The following ERN1 variants were observed in gnomAD, a reference collection of about 807,000 sequenced individuals.
ERN1 encodes the protein serine/threonine-protein kinase/endoribonuclease IRE1.
In ERN1, 39 loss-of-function variants were observed where a neutral mutation model predicts 113.1. The observed-to-expected ratio is 0.34, with a 90% CI of 0.27 to 0.45. The LOEUF (loss-of-function observed/expected upper bound fraction) is 0.45, where lower values mean the gene tolerates loss of function less well. ERN1 is among the 20% of genes least tolerant of loss of function. The pLI is 1.00. For missense variants in ERN1, 976 were observed against 1,274.8 expected (o/e 0.77, Z 3.57); for synonymous variants, 507 against 515.9 (o/e 0.98, Z 0.23).
intron 9 of ERN1, 47 bp from the exon 10 acceptor site, chr17:64,064,198 G>C: frequency 2.0e-6 from 3 of 1,532,098 alleles, no homozygotes; most frequent in Non-Finnish European, 2.6e-6. Flanking sequence ...AGGGAGAGCG[G>C]GTCCCACGGC....
intron 1 of ERN1, among the ~76,000 whole-genome samples, chr17:64,103,558 C>T (rs1225469241): frequency 1.3e-5 from 2 of 151,018 alleles, no homozygotes; most frequent in Non-Finnish European, 2.9e-5. Flanking sequence ...TCATAAAATC[C>T]ACCATTCACT....
rs1016074005 is a variant in ERN1 at position 64,056,557 on chromosome 17, C to T, written c.1399-609G>A. Among the ~76,000 whole-genome samples the T allele has an allele frequency of 3.3e-5, 5 of 152,198 alleles. No homozygotes were observed. In the South Asian group the frequency reaches 8.3e-4, roughly 25 times the overall value. ...CCGCCTTTCATCCCACTGCCTTCCC[C>T]GAGGCCACATGCCTCTCAAATACTC... On this transcript the variant is annotated intron_variant, in intron 12 of 21. Transcript: ENST00000433197.
At chr17:64,069,941 A>G (rs754636095) in intron 6 of ERN1, among the ~76,000 whole-genome samples, 21 of 152,110 alleles carry the variant, frequency 1.4e-4, no homozygotes, top group Non-Finnish European at 3.1e-4. Flanking sequence ...AACATCTCTA[A>G]AGGTCACTAC....
At chr17:64,094,626 C>CT (rs58195537) in intron 2 of ERN1, among the ~76,000 whole-genome samples, 5,407 of 136,388 alleles carry the variant, frequency 0.04, 279 homozygotes, top group African/African-American at 0.11. Context: ...CCCATCCTTT[C>CT]TTTTTTTTTT....
Position 64,060,400 on chromosome 17 carries a change from C to A in ERN1, c.1206+69G>T, listed in dbSNP as rs541586055. On this transcript the variant is annotated intron_variant, in intron 11 of 21. Coordinates refer to ENST00000433197, the MANE Select transcript of ERN1 (RefSeq NM_001433.5). ...AGGCTGCAAGCTCAGAAGGCAGAGT[C>A]AAAGTCTAATGCCTCACCCTCCCAA... The A allele has an allele frequency of 4.7e-5, 46 of 979,462 alleles. 1 individual carries two copies. The South Asian group carries it at 5.9e-4, about 13-fold the overall frequency. The allele number at this position is 979,462 out of a possible 1,614,324, so 60.7% of individuals were successfully genotyped here.
At chr17:64,103,809 C>T (rs968753931) in intron 1 of ERN1, among the ~76,000 whole-genome samples, 3 of 152,144 alleles carry the variant, frequency 2.0e-5, no homozygotes, top group Non-Finnish European at 4.4e-5. Flanking sequence ...GACACAGGGG[C>T]AGACAGGTGT....
chr17:64,057,896 G>T lies in ERN1; in HGVS notation c.1304C>A (p.Ala435Asp), dbSNP rs201598988. 8 of 1,613,464 alleles carry T rather than the reference G, an allele frequency of 5.0e-6. No individual in the cohort carries two copies. The highest frequency in any genetic ancestry group is 1.1e-5 in the South Asian group (1 of 90,942). ...GTCCTTAAGCATGGAGTCCACGGGG[G>T]CCTCGGGCCGGGCAGGGGCATGGGC... ...KPAHAPARPE[A>D]PVDSMLKDMA... The change falls in exon 12 of 22, where the codon GCC becomes GAC. Residue 435 changes from alanine (A) to aspartate (D), a missense_variant. By Grantham distance (126) the Ala-to-Asp change is moderately radical (BLOSUM62 -2). Around this residue, in one of 5 missense-constraint regions of ERN1, gnomAD observed 459 missense variants for 581.2 expected, o/e 0.79. Coordinates refer to ENST00000433197, the MANE Select transcript of ERN1 (RefSeq NM_001433.5).
At chr17:64,086,125 C>G (rs1913917035) in intron 2 of ERN1, among the ~76,000 whole-genome samples, 1 of 152,196 alleles carries the variant, frequency 6.6e-6, no homozygotes, top group South Asian at 2.1e-4. Context: ...ACAAAAACCT[C>G]TTGGCTCTGC....
At position 64,048,945 on chromosome 17, in the gene ERN1, G is replaced by C; in HGVS notation, c.2401+110C>G. 3.5e-6 allele frequency: 4 copies of C among 1,145,620 alleles called. No individual in the cohort carries two copies. In the South Asian group the frequency reaches 8.4e-5, roughly 24 times the overall value. 71.0% of individuals were successfully genotyped at this position (1,145,620 alleles called of 1,614,324 possible). A position where few individuals can be genotyped will look rare whatever the true frequency, so the allele number is the denominator to read the frequency against. On this transcript the variant is annotated intron_variant, in intron 18 of 21. Transcript: ENST00000433197. ...GGTCCTGAGGCCTGCGGGGTGAGCA[G>C]CTGGGGCACCACGGCCTCTGTGAGT...
chr17:64,056,861 A>G (rs1048771646), intron 12 of ERN1, among the ~76,000 whole-genome samples: 7 of 152,192 alleles, frequency 4.6e-5, no homozygotes, highest in Admixed American at 6.5e-5. Flanking sequence ...AAGTGAAACT[A>G]TCAGGTGCAG....
intron 1 of ERN1, among the ~76,000 whole-genome samples, chr17:64,117,045 G>A (rs1364860288): frequency 6.6e-6 from 1 of 151,888 alleles, no homozygotes; most frequent in Non-Finnish European, 1.5e-5. Context: ...CCGGGAGGCG[G>A]AGCTTGCAGT....
At chr17:64,119,454 T>A (rs947287062) in intron 1 of ERN1, among the ~76,000 whole-genome samples, 2 of 144,204 alleles carry the variant, frequency 1.4e-5, no homozygotes, top group African/African-American at 5.2e-5. Flanking sequence ...AGTGGTGGGA[T>A]CTTGGCTCAC....
chr17:64,067,016 A>C (rs1598056115), intron 7 of ERN1, 84 bp from the exon 8 acceptor site: 1 of 1,449,350 alleles, frequency 6.9e-7, no homozygotes, highest in Non-Finnish European at 9.5e-7. Context: ...GGCTCTAGTC[A>C]CTCAGTTAGA....
chr17:64,124,466 A>G (rs1228415832), intron 1 of ERN1, among the ~76,000 whole-genome samples: 2 of 152,174 alleles, frequency 1.3e-5, no homozygotes, highest in Admixed American at 1.3e-4. Context: ...AGACAACTGA[A>G]TCATGGGGAT....
intron 1 of ERN1, among the ~76,000 whole-genome samples, chr17:64,117,415 T>C (rs1229537977): frequency 6.6e-6 from 1 of 150,850 alleles, no homozygotes; most frequent in Non-Finnish European, 1.5e-5. Context: ...TGCACTCCAG[T>C]GTGGGCGACA....
chr17:64,091,955 A>T (rs1014402561), intron 2 of ERN1, among the ~76,000 whole-genome samples: 9 of 152,300 alleles, frequency 5.9e-5, no homozygotes, highest in African/African-American at 2.2e-4. Context: ...GTAACACACC[A>T]CACACACTGA....
intron 20 of ERN1, 91 bp from the exon 21 acceptor site, chr17:64,045,018 A>G: frequency 1.0e-6 from 1 of 968,204 alleles, no homozygotes; most frequent in South Asian, 1.4e-5. Flanking sequence ...GGGATTAGGG[A>G]GTTGGACTGA....
chr17:64,057,432 G>C (rs1363090483), intron 12 of ERN1, among the ~76,000 whole-genome samples: 1 of 150,796 alleles, frequency 6.6e-6, no homozygotes, highest in East Asian at 2.0e-4. Context: ...GCAGTGGTGT[G>C]ATCTCAGCTC....
At chr17:64,057,566 CACTGTGT>C (rs1912912409) in intron 12 of ERN1, among the ~76,000 whole-genome samples, 1 of 152,146 alleles carries the variant, frequency 6.6e-6, no homozygotes, top group Non-Finnish European at 1.5e-5. Flanking sequence ...GACAGGGTTT[CACTGTGT>C]TAGCCAGGAT....
Sources: allele counts gnomAD v4.1 joint callset (sites outside exome capture counted in the v4.1 genomes callset), GRCh38; gene constraint gnomAD v4.1.1; regional missense constraint gnomAD v4.1.1; transcripts MANE v1.5; gene names NCBI Gene and HGNC (gene_info 2026-07-23, HGNC 2026-07-21).